The following AGBL1 variants were observed in gnomAD, a reference collection of about 807,000 sequenced individuals.
The protein encoded by AGBL1 is cytosolic carboxypeptidase 4.
In AGBL1, 130 loss-of-function variants were observed where a neutral mutation model predicts 118.9. The ratio of observed to expected loss-of-function variants is 1.09; its 90% CI spans 0.95 to 1.26. The LOEUF is 1.26. AGBL1 is among the 50% of genes most tolerant of loss of function. The pLI is 0.00. For synonymous variants in AGBL1, 555 were observed against 478.9 expected (o/e 1.16, Z -2.08); for missense variants, 1,584 against 1,298.1 (o/e 1.22, Z -3.38).
chr15:86,116,833 T>C (rs889768846), intron 1 of AGBL1: 38 of 152,206 alleles, frequency 2.5e-4, no homozygotes, highest in African/African-American at 9.2e-4. Context: ...CATAATTACA[T>C]GAGCCAATTA....
At chr15:86,480,763 C>T (rs2142122582) in intron 18 of AGBL1, among the ~76,000 whole-genome samples, 1 of 151,910 alleles carries the variant, frequency 6.6e-6, no homozygotes, top group African/African-American at 2.4e-5. Context: ...AGATTGCCCT[C>T]TGAGGCTAGG....
chr15:87,012,121 A>G (rs895981751), intron 24 of AGBL1, among the ~76,000 whole-genome samples: 1 of 151,860 alleles, frequency 6.6e-6, no homozygotes, highest in African/African-American at 2.4e-5. Context: ...AGGCTCAGGT[A>G]TGCTCTGCTA....
Position 86,736,849 on chromosome 15 carries a change from C to A in AGBL1, c.3158+62413C>A, listed in dbSNP as rs115258508. On this transcript the variant is annotated intron_variant, in intron 22 of 22. Transcript: ENST00000614907. Reference sequence around the variant, plus strand: ...GCTCCCTTCAGCCTCTTATTTTTTTCTCTCTAAACTCCTAGGTCAAGAAAG... The same window carrying A: ...GCTCCCTTCAGCCTCTTATTTTTTTATCTCTAAACTCCTAGGTCAAGAAAG... 2.0e-3 allele frequency among the ~76,000 whole-genome samples: 304 copies of A among 152,194 alleles called. 1 individual carries two copies. Among genetic ancestry groups the A allele is most frequent in the African/African-American group, 7.1e-3 (296 of 41,524 alleles).
chr15:86,140,832 C>T (rs765565081), intron 1 of AGBL1, among the ~76,000 whole-genome samples: 7 of 152,018 alleles, frequency 4.6e-5, no homozygotes, highest in African/African-American at 7.2e-5. Flanking sequence ...CAAGGGGTTC[C>T]GTGTTGATGA....
rs532517436 is a variant in AGBL1 at position 86,777,332 on chromosome 15, C to G, written c.3158+102896C>G. On this transcript the variant is annotated intron_variant, in intron 22 of 22. Transcript: ENST00000614907. ...GTGAAATACTTATTTATATATTACA[C>G]AATTATATTAAAATAAAAATATTAC... Among the ~76,000 whole-genome samples the G allele has an allele frequency of 3.6e-4, 55 of 152,054 alleles. 1 individual carries two copies. Among genetic ancestry groups the G allele is most frequent in the Non-Finnish European group, 6.0e-4 (41 of 67,966 alleles).
At chr15:86,599,067 T>C (rs2084452048) in intron 21 of AGBL1, among the ~76,000 whole-genome samples, 1 of 152,152 alleles carries the variant, frequency 6.6e-6, no homozygotes, top group South Asian at 2.1e-4. Flanking sequence ...TGTCTCAGAA[T>C]GATTCTTGTG....
intron 23 of AGBL1, among the ~76,000 whole-genome samples, chr15:86,973,931 T>C (rs914061727): frequency 2.1e-5 from 3 of 144,604 alleles, no homozygotes; most frequent in Non-Finnish European, 3.0e-5. Context: ...ATATATTAAA[T>C]ATAAACATAT....
At position 86,801,020 on chromosome 15, in the gene AGBL1, T is replaced by C. The variant is rs1243075385; in HGVS notation, c.3159-106067T>C. Among the ~76,000 whole-genome samples, 3 of 151,974 alleles carry C rather than the reference T, an allele frequency of 2.0e-5. No individual in the cohort carries two copies. The East Asian group carries it at 5.8e-4, about 29-fold the overall frequency. On this transcript the variant is annotated intron_variant, in intron 22 of 22. Transcript: ENST00000614907. ...ATTTCTCCAACAAAAGGTCGTTGAG[T>C]TTGAAATAGGTGTCTCTTCTTAGCA... is the stretch of plus-strand genomic sequence containing the variant.
At chr15:86,327,194 A>G (rs1166236051) in intron 17 of AGBL1, among the ~76,000 whole-genome samples, 1 of 152,180 alleles carries the variant, frequency 6.6e-6, no homozygotes, top group African/African-American at 2.4e-5. Context: ...GAGATAGTCA[A>G]TGTGCGGACT....
intron 22 of AGBL1, among the ~76,000 whole-genome samples, chr15:86,700,466 A>T (rs910777185): frequency 1.2e-5 from 1 of 84,766 alleles, no homozygotes; most frequent in Non-Finnish European, 2.3e-5. Flanking sequence ...TCAGCAGACT[A>T]ATACACACAC....
At chr15:86,394,386 T>C (rs945870938) in intron 17 of AGBL1, among the ~76,000 whole-genome samples, 47 of 152,268 alleles carry the variant, frequency 3.1e-4, no homozygotes, top group African/African-American at 1.1e-3. Flanking sequence ...AAAACACACA[T>C]GTCAAATATC....
intron 22 of AGBL1, among the ~76,000 whole-genome samples, chr15:86,898,065 C>A (rs957526464): frequency 6.6e-6 from 1 of 151,998 alleles, no homozygotes; most frequent in African/African-American, 2.4e-5. Flanking sequence ...AGCCACTGCA[C>A]CTGGCCCTGA....
intron 21 of AGBL1, among the ~76,000 whole-genome samples, chr15:86,640,099 T>A (rs2085166677): frequency 6.6e-6 from 1 of 152,174 alleles, no homozygotes; most frequent in African/African-American, 2.4e-5. Context: ...ATTGTTACTA[T>A]CAGCACCATC....
chr15:86,264,739 C>G lies in AGBL1; in HGVS notation c.1568C>G (p.Ser523Cys), dbSNP rs184053635. ...LYMAKARRTSSVVDFKMMAFP... is the reference protein window; with the variant it reads ...LYMAKARRTSCVVDFKMMAFP... ...ATGGCCAAAGCCAGAAGAACCAGCT[C>G]TGTGGTGGACTTCAAGATGATGGCA... The change falls in exon 11 of 23, where the codon TCT becomes TGT. Residue 523 changes from serine (S) to cysteine (C), a missense_variant. Coordinates refer to ENST00000614907, the MANE Select transcript of AGBL1 (RefSeq NM_001386094.1). 2.2e-4 allele frequency: 361 copies of G among 1,614,066 alleles called. 1 individual carries two copies. Among genetic ancestry groups the G allele is most frequent in the African/African-American group, 2.1e-3 (156 of 75,068 alleles).
intron 17 of AGBL1, among the ~76,000 whole-genome samples, chr15:86,328,635 C>G (rs936118456): frequency 4.6e-5 from 7 of 152,036 alleles, no homozygotes; most frequent in Non-Finnish European, 7.4e-5. Flanking sequence ...GTAAACAGCC[C>G]CTGTGACAGT....
At chr15:86,765,114 G>T (rs2078076545) in intron 22 of AGBL1, among the ~76,000 whole-genome samples, 1 of 151,974 alleles carries the variant, frequency 6.6e-6, no homozygotes, top group Non-Finnish European at 1.5e-5. Context: ...TCACATTGCA[G>T]ATCCATAAGG....
intron 1 of AGBL1, among the ~76,000 whole-genome samples, chr15:86,129,743 T>C (rs530016931): frequency 2.0e-5 from 3 of 152,126 alleles, no homozygotes; most frequent in Non-Finnish European, 4.4e-5. Context: ...AAAAAATAAT[T>C]ATCTGCCCCA....
chr15:86,865,197 G>T (rs1804610967), intron 22 of AGBL1, among the ~76,000 whole-genome samples: 1 of 152,196 alleles, frequency 6.6e-6, no homozygotes, highest in Non-Finnish European at 1.5e-5. Context: ...GGAAATGCTT[G>T]CAGATACAAT....
chr15:86,862,740 T>C (rs2079575998), intron 22 of AGBL1, among the ~76,000 whole-genome samples: 1 of 151,952 alleles, frequency 6.6e-6, no homozygotes, highest in Non-Finnish European at 1.5e-5. Context: ...CAAAAACAAA[T>C]ACGAATACAA....
Sources: gnomAD v4.1 joint callset for allele counts (sites outside exome capture counted in the v4.1 genomes callset) on GRCh38, gnomAD v4.1.1 for gene constraint, MANE v1.5 for transcripts, NCBI Gene and HGNC (gene_info 2026-07-23, HGNC 2026-07-21) for gene names.